Variants in CEP192 observed in about 807,000 individuals in gnomAD.
CEP192 encodes the protein centrosomal protein of 192 kDa.
Under a neutral mutation model 271.8 loss-of-function variants are expected in CEP192, and 151 were observed. The observed-to-expected ratio is 0.56, with a 90% CI of 0.49 to 0.64. The LOEUF (loss-of-function observed/expected upper bound fraction) is 0.64. Ranked by LOEUF, CEP192 falls within the 30% of genes least tolerant of loss-of-function variation. The probability of loss-of-function intolerance (pLI) is 0.00; values close to 1 mark genes in which losing one functional copy is unlikely to be tolerated. For synonymous variants in CEP192, 995 were observed against 1,076.5 expected, an observed-to-expected ratio of 0.92 and a Z score of 1.48; for missense variants, 2,910 against 3,020.5, an observed-to-expected ratio of 0.96 and a Z score of 0.86.
At position 13,017,192 on chromosome 18, in the gene CEP192, T is replaced by A. The variant is rs1300843489; in HGVS notation, c.645T>A (p.Asp215Glu). Reference protein sequence around the residue: ...LPTSLEDSSDDDIDDEMFYDD... With the variant: ...LPTSLEDSSDEDIDDEMFYDD... ...TTTTCTCGATTTTATCAATAGATGATGATATTGATGATGAAATGTTTTATG... is the reference window on the plus strand; with the variant it reads ...TTTTCTCGATTTTATCAATAGATGAAGATATTGATGATGAAATGTTTTATG... Residue 215 changes from aspartate to glutamate, a missense_variant, in exon 7 of 45, where the codon GAT (aspartate) becomes GAA (glutamate). Coordinates refer to ENST00000506447, the MANE Select transcript of CEP192 (RefSeq NM_032142.4). 6.5e-7 allele frequency: 1 copy of A among 1,539,694 alleles called. No individual in the cohort carries two copies. Among genetic ancestry groups the A allele is most frequent in the Non-Finnish European group, 8.8e-7 (1 of 1,142,396 alleles).
At chr18:13,056,782 T>C in intron 19 of CEP192, 84 bp downstream of exon 19, 1 of 1,121,946 alleles carries the variant, frequency 8.9e-7, no homozygotes, top group South Asian at 1.5e-5. Context: ...AAGGAGTTAC[T>C]GGTTAGCATT....
intron 21 of CEP192, among the ~76,000 whole-genome samples, chr18:13,067,625 T>A (rs1020913804): frequency 6.6e-6 from 1 of 152,190 alleles, no homozygotes; most frequent in African/African-American, 2.4e-5. Context: ...TGTAGTATAT[T>A]TGGGTACATA....
chr18:13,001,406 A>G, intron 2 of CEP192, 51 bp from the exon 3 acceptor site: 3 of 1,326,130 alleles, frequency 2.3e-6, no homozygotes, highest in Non-Finnish European at 3.1e-6. Context: ...GATGACATTT[A>G]AATATGTGTA....
At chr18:13,014,271 A>G (rs2034520542) in intron 5 of CEP192, among the ~76,000 whole-genome samples, 1 of 152,228 alleles carries the variant, frequency 6.6e-6, no homozygotes, top group Non-Finnish European at 1.5e-5. Context: ...AAAACTGGAA[A>G]GCAACAAAAG....
rs1003679432 is a variant in CEP192, at chr18:13,015,426, G to A, written c.618G>A (p.Pro206=). Residue 206 remains proline, a synonymous_variant, in exon 6 of 45, where the codon CCG becomes CCA. Transcript: ENST00000506447. ...SLLENEKLIL[P]TSLEDSSDDD... ...TAGAAAATGAGAAACTTATCTTACC[G>A]ACAAGCTTGGAAGATTCTTCTGGTA... 9.0e-6 allele frequency: 14 copies of A among 1,551,010 alleles called. No individual in the cohort carries two copies. The African/African-American group carries it at 9.6e-5, about 11-fold the overall frequency.
intron 40 of CEP192, 141 bp downstream of exon 40, chr18:13,105,220 CACTT>C (rs2039895198): frequency 1.5e-6 from 1 of 667,696 alleles, no homozygotes; most frequent in Non-Finnish European, 2.7e-6. Context: ...GAGTCTGCCT[CACTT>C]ACAATGCGCT....
chr18:13,026,228 C>T (rs1376712648), intron 9 of CEP192, among the ~76,000 whole-genome samples: 1 of 152,130 alleles, frequency 6.6e-6, no homozygotes, highest in Non-Finnish European at 1.5e-5. Context: ...CCAAATGTCG[C>T]TCTTTGTTCT....
intron 30 of CEP192, among the ~76,000 whole-genome samples, chr18:13,082,592 C>T (rs1390779606): frequency 6.6e-6 from 1 of 151,908 alleles, no homozygotes; most frequent in African/African-American, 2.4e-5. Context: ...CAGTCTGTGT[C>T]TTTTAATTGG....
intron 1 of CEP192, among the ~76,000 whole-genome samples, chr18:12,995,472 G>A (rs9959437): frequency 0.035 from 5,328 of 152,252 alleles, 284 homozygotes; most frequent in African/African-American, 0.12. Context: ...GTGCTTATAT[G>A]ATGGTGATGA....
rs1555698196 is a variant in CEP192, at chr18:13,000,091, C to CTCTCTTTTTTTTTTTTT, written c.164+504_164+505insCTCTTTTTTTTTTTTTT. Among the ~76,000 whole-genome samples the CTCTCTTTTTTTTTTTTT allele has an allele frequency of 3.0e-4, 23 of 76,754 alleles. 3 individuals are homozygous for CTCTCTTTTTTTTTTTTT. Among genetic ancestry groups the CTCTCTTTTTTTTTTTTT allele is most frequent in the East Asian group, 7.6e-4 (2 of 2,630 alleles). The allele number at this position is 76,754 out of a possible 152,430, so 50.4% of individuals were successfully genotyped here. A position where few individuals can be genotyped will look rare whatever the true frequency, so the allele number is the denominator to read the frequency against. ...CTCTGTATAACTCATTGTCTTCTCT[C>CTCTCTTTTTTTTTTTTT]TTTTTTTTTTTTTTTTTTTTTTTTT... is the stretch of plus-strand genomic sequence containing the variant. On this transcript the variant is annotated intron_variant, in intron 2 of 44. Coordinates refer to ENST00000506447, the MANE Select transcript of CEP192 (RefSeq NM_032142.4).
chr18:13,037,140 T>G, intron 11 of CEP192, 97 bp from the exon 12 acceptor site: 1 of 639,892 alleles, frequency 1.6e-6, no homozygotes, highest in Non-Finnish European at 2.8e-6. Context: ...TGTTACAACT[T>G]TATTTCCTTA....
At chr18:13,034,964 G>T (rs2035841174) in intron 11 of CEP192, among the ~76,000 whole-genome samples, 2 of 152,282 alleles carry the variant, frequency 1.3e-5, no homozygotes, top group African/African-American at 2.4e-5. Context: ...ACACAAATGG[G>T]CTGCTTCCAC....
At chr18:13,052,339 C>T (rs546718658) in intron 17 of CEP192, among the ~76,000 whole-genome samples, 1 of 152,350 alleles carries the variant, frequency 6.6e-6, no homozygotes, top group East Asian at 1.9e-4. Flanking sequence ...AGCTCAGTTC[C>T]TCCTGTCTGA....
chr18:13,103,279 C>T (rs1475052344), intron 38 of CEP192, among the ~76,000 whole-genome samples: 2 of 152,170 alleles, frequency 1.3e-5, no homozygotes, highest in African/African-American at 4.8e-5. Flanking sequence ...CTTATTGCTC[C>T]TCTGCATAAG....
intron 4 of CEP192, among the ~76,000 whole-genome samples, chr18:13,009,527 A>G (rs1474804392): frequency 5.9e-5 from 9 of 152,234 alleles, no homozygotes; most frequent in Admixed American, 5.9e-4. Context: ...ACTCAAGGAT[A>G]AGTCATTTGA....
intron 3 of CEP192, among the ~76,000 whole-genome samples, chr18:13,006,792 A>G (rs1568268316): frequency 1.3e-5 from 2 of 152,154 alleles, no homozygotes; most frequent in South Asian, 4.2e-4. Flanking sequence ...GGAGTCTTCA[A>G]TTTTATGCCA....
chr18:13,081,885 G>A (rs1202432744), intron 30 of CEP192, among the ~76,000 whole-genome samples: 4 of 152,188 alleles, frequency 2.6e-5, no homozygotes, highest in Non-Finnish European at 5.9e-5. Flanking sequence ...TCAGGAGCAG[G>A]TTGTTCAGTT....
At chr18:13,039,152 A>G (rs1489083007) in intron 13 of CEP192, among the ~76,000 whole-genome samples, 2 of 152,182 alleles carry the variant, frequency 1.3e-5, no homozygotes, top group African/African-American at 4.8e-5. Flanking sequence ...TTGGCATCTC[A>G]GTGATGAAAA....
At chr18:13,124,017 G>A (rs1382553609) in intron 44 of CEP192, among the ~76,000 whole-genome samples, 1 of 151,742 alleles carries the variant, frequency 6.6e-6, no homozygotes, top group East Asian at 1.9e-4. Context: ...AAAATTAGCT[G>A]GGTGCGGTGA....
Sources: allele counts gnomAD v4.1 joint callset (sites outside exome capture counted in the v4.1 genomes callset), GRCh38; gene constraint gnomAD v4.1.1; transcripts MANE v1.5; gene names NCBI Gene and HGNC (gene_info 2026-07-23, HGNC 2026-07-21).